Variants in DTHD1 observed in about 807,000 individuals in gnomAD.
The protein encoded by DTHD1 is death domain-containing protein 1.
In DTHD1, 59 loss-of-function variants were observed where a neutral mutation model predicts 74.8. That is an observed-to-expected ratio of 0.79 (90% CI 0.64 to 0.98). DTHD1 has a LOEUF of 0.98. Ranked by LOEUF, DTHD1 falls within the 50% of genes least tolerant of loss-of-function variation. The pLI, the probability that DTHD1 is intolerant of heterozygous loss-of-function variation, is 0.00. For missense variants in DTHD1, 1,051 were observed against 1,065.4 expected (o/e 0.99, Z 0.19); for synonymous variants, 365 against 371.1 (o/e 0.98, Z 0.19).
chr4:36,295,062 A>T, intron 5 of DTHD1, 23 bp downstream of exon 5: 1 of 1,502,112 alleles, frequency 6.7e-7, no homozygotes, highest in East Asian at 2.5e-5. Flanking sequence ...CTAATATTGT[A>T]AACTGGCTTA....
chr4:36,281,695 T>G lies in DTHD1; in HGVS notation c.-64T>G. Reference sequence around the variant, plus strand: ...TTTAGGAGAAATAACAATCACAAAGTTTGAATTTGCAAAACCTTTAGGCTT... The same window carrying G: ...TTTAGGAGAAATAACAATCACAAAGGTTGAATTTGCAAAACCTTTAGGCTT... On this transcript the variant is annotated 5_prime_UTR_variant, in exon 1 of 10. Coordinates refer to ENST00000639862, the MANE Select transcript of DTHD1 (RefSeq NM_001170700.3). 8.1e-7 allele frequency: 1 copy of G among 1,233,926 alleles called. No homozygotes were observed. 76.4% of individuals were successfully genotyped at this position (1,233,926 alleles called of 1,614,324 possible). A position where few individuals can be genotyped will look rare whatever the true frequency, so the allele number is the denominator to read the frequency against.
At chr4:36,305,093 G>C (rs1756965876) in intron 5 of DTHD1, among the ~76,000 whole-genome samples, 1 of 152,110 alleles carries the variant, frequency 6.6e-6, no homozygotes, top group Non-Finnish European at 1.5e-5. Context: ...TACACAAGAA[G>C]GAAAATTGTA....
rs1336901301 is a variant in DTHD1, at chr4:36,284,444, A to G, written c.740A>G (p.Glu247Gly). 2.0e-6 allele frequency: 3 copies of G among 1,537,070 alleles called. No individual in the cohort carries two copies. Among genetic ancestry groups the G allele is most frequent in the Non-Finnish European group, 2.6e-6 (3 of 1,146,852 alleles). Residue 247 changes from glutamate to glycine, a missense_variant, in exon 2 of 10, where the codon GAG (glutamate) becomes GGG (glycine). Physicochemically the swap from Glu to Gly is moderately conservative, Grantham distance 98. Transcript: ENST00000639862. ...ACTCATGGCATAATTCAGACAACAG[A>G]GACAGAAATTCAAGAGACTTCAGAA... ...EETHGIIQTT[E>G]TEIQETSESP... is the part of the protein sequence containing the mutation.
intron 1 of DTHD1, among the ~76,000 whole-genome samples, chr4:36,282,494 T>C (rs906350310): frequency 6.6e-6 from 1 of 152,178 alleles, no homozygotes; most frequent in Non-Finnish European, 1.5e-5. Context: ...CTTAGCCTTA[T>C]TGATTGCAAA....
At chr4:36,320,314 C>T (rs1757974445) in intron 8 of DTHD1, among the ~76,000 whole-genome samples, 1 of 152,188 alleles carries the variant, frequency 6.6e-6, no homozygotes, top group African/African-American at 2.4e-5. Flanking sequence ...TGCGCAGGCA[C>T]AGACACTGTC....
At chr4:36,287,283 C>G (rs1368052649) in intron 2 of DTHD1, among the ~76,000 whole-genome samples, 3 of 152,196 alleles carry the variant, frequency 2.0e-5, no homozygotes, top group African/African-American at 7.2e-5. Flanking sequence ...CCAATTCCAT[C>G]CAGGTTGCTG....
chr4:36,282,161 G>C lies in DTHD1; in HGVS notation c.271+132G>C, dbSNP rs1578427777. The C allele has an allele frequency of 4.0e-6, 3 of 744,502 alleles. No homozygotes were observed. The East Asian group carries it at 9.8e-5, about 24-fold the overall frequency. The allele number at this position is 744,502 out of a possible 1,614,324, so 46.1% of individuals were successfully genotyped here. A position where few individuals can be genotyped will look rare whatever the true frequency, so the allele number is the denominator to read the frequency against. ...CCACAAGAGACTAACAATTTCAAAG[G>C]GGAAATAAGTTGAGACAAATGCACA... On this transcript the variant is annotated intron_variant, in intron 1 of 9. Transcript: ENST00000639862.
rs1478607127 is a variant in DTHD1, at chr4:36,306,269, C to G, written c.1722C>G (p.Asp574Glu). 2 of 1,551,766 alleles carry G rather than the reference C, an allele frequency of 1.3e-6. No individual in the cohort carries two copies. Among genetic ancestry groups the G allele is most frequent in the East Asian group, 2.4e-5 (1 of 40,904 alleles). The change falls in exon 6 of 10, where the codon GAC becomes GAG. Residue 574 changes from aspartate to glutamate, a missense_variant. Physicochemically the swap from Asp to Glu is conservative, Grantham distance 45. Coordinates refer to ENST00000639862, the MANE Select transcript of DTHD1 (RefSeq NM_001170700.3). ...CLKLLGFRSQ[D>E]SGWCGLDDVV... is the part of the protein sequence containing the mutation. ...AATTACTGGGATTCAGAAGCCAAGA[C>G]AGTGGTTGGTGTGGGCTTGATGATG...
intron 1 of DTHD1, among the ~76,000 whole-genome samples, chr4:36,282,316 T>G (rs1755447631): frequency 6.6e-6 from 1 of 152,210 alleles, no homozygotes; most frequent in African/African-American, 2.4e-5. Context: ...ATGTAGTATT[T>G]AAGCTGAAGC....
intron 5 of DTHD1, among the ~76,000 whole-genome samples, chr4:36,297,919 TGTGTGTGTGTGTGTGCAC>T (rs1206929271): frequency 2.2e-5 from 3 of 136,576 alleles, no homozygotes; most frequent in Non-Finnish European, 5.0e-5. Flanking sequence ...TATAATTGTG[TGTGTGTGTGTGTGTGCAC>T]GTGTGTGTGT....
rs751342489 is a variant in DTHD1 at position 36,290,661 on chromosome 4, C to T, written c.1176C>T (p.Tyr392=). Residue 392 remains tyrosine (Y), a synonymous_variant, in exon 3 of 10, where the codon TAC becomes TAT. Coordinates refer to ENST00000639862, the MANE Select transcript of DTHD1 (RefSeq NM_001170700.3). ...KVCDINLQSS[Y]LNPNSLEGMK... ...GTGACATAAACCTTCAATCAAGTTACCTAAACCCAAATTCACTAGAAGGAA... is the reference window on the plus strand; with the variant it reads ...GTGACATAAACCTTCAATCAAGTTATCTAAACCCAAATTCACTAGAAGGAA... The T allele has an allele frequency of 4.5e-6, 7 of 1,544,954 alleles. No individual in the cohort carries two copies. In the Admixed American group the frequency reaches 7.8e-5, roughly 17 times the overall value.
At chr4:36,324,184 TC>T (rs1445113063) in intron 8 of DTHD1, among the ~76,000 whole-genome samples, 1 of 151,842 alleles carries the variant, frequency 6.6e-6, no homozygotes, top group Non-Finnish European at 1.5e-5. Flanking sequence ...CTTTTTCCTT[TC>T]CCCTCCACTC....
At position 36,346,656 on chromosome 4, in the gene DTHD1, G is replaced by C. The variant is rs947389742; in HGVS notation, c.*2832G>C. Among the ~76,000 whole-genome samples, 1 of 151,908 alleles carries C rather than the reference G, an allele frequency of 6.6e-6. No homozygotes were observed. The highest frequency in any genetic ancestry group is 1.5e-5 in the Non-Finnish European group (1 of 68,002). On this transcript the variant is annotated 3_prime_UTR_variant, in exon 10 of 10. Transcript: ENST00000639862. ...ATTTCTCTGTCTGGTGAGCCAACCT[G>C]TATGGACCACATCAGAGATGCCTTG...
In DTHD1 at chr4:36,347,275, C is replaced by A. The variant is rs1759634485; in HGVS notation, c.*3451C>A. Among the ~76,000 whole-genome samples the A allele has an allele frequency of 1.3e-5, 2 of 151,956 alleles. No individual in the cohort carries two copies. Among genetic ancestry groups the A allele is most frequent in the Admixed American group, 1.3e-4 (2 of 15,254 alleles). ...AAAATGAAATTTTGCAGTATATATTCTTTTATGTTTGACTTTTTATTCAAC... is the reference window on the plus strand; with the variant it reads ...AAAATGAAATTTTGCAGTATATATTATTTTATGTTTGACTTTTTATTCAAC... On this transcript the variant is annotated 3_prime_UTR_variant, in exon 10 of 10. Coordinates refer to ENST00000639862, the MANE Select transcript of DTHD1 (RefSeq NM_001170700.3).
chr4:36,300,999 A>T (rs1756736734), intron 5 of DTHD1, among the ~76,000 whole-genome samples: 1 of 152,212 alleles, frequency 6.6e-6, no homozygotes, highest in African/African-American at 2.4e-5. Context: ...TTTTTAAATA[A>T]AAAAGAAACT....
intron 2 of DTHD1, among the ~76,000 whole-genome samples, chr4:36,285,759 T>TTA (rs1755666442): frequency 6.6e-6 from 1 of 152,232 alleles, no homozygotes; most frequent in African/African-American, 2.4e-5. Context: ...CCTAATTTAC[T>TTA]TATTTGTAGA....
chr4:36,305,670 T>C (rs1163185697), intron 5 of DTHD1, among the ~76,000 whole-genome samples: 1 of 152,194 alleles, frequency 6.6e-6, no homozygotes, highest in East Asian at 1.9e-4. Flanking sequence ...CCCATGGTCA[T>C]ACAGTTCATA....
chr4:36,337,075 CTG>C (rs1421529554), intron 8 of DTHD1, among the ~76,000 whole-genome samples: 1 of 152,088 alleles, frequency 6.6e-6, no homozygotes, highest in Non-Finnish European at 1.5e-5. Flanking sequence ...TGTTGGCTGA[CTG>C]TTCTGCTTGT....
intron 7 of DTHD1, among the ~76,000 whole-genome samples, chr4:36,309,705 T>G (rs183818536): frequency 2.0e-5 from 3 of 152,316 alleles, no homozygotes; most frequent in East Asian, 1.9e-4. Flanking sequence ...TCAACCCAAC[T>G]AAACACTGAC....
Sources: gnomAD v4.1 joint callset for allele counts (sites outside exome capture counted in the v4.1 genomes callset) on GRCh38, gnomAD v4.1.1 for gene constraint, MANE v1.5 for transcripts, NCBI Gene and HGNC (gene_info 2026-07-23, HGNC 2026-07-21) for gene names.